Variants in NUP107 observed in about 807,000 individuals in gnomAD.
NUP107 encodes nuclear pore complex protein Nup107.
In NUP107, 101 loss-of-function variants were observed where a neutral mutation model predicts 141.0. The ratio of observed to expected loss-of-function variants is 0.72; its 90% CI spans 0.61 to 0.84. The LOEUF (loss-of-function observed/expected upper bound fraction) is 0.84. Ranked by LOEUF, NUP107 falls within the 40% of genes least tolerant of loss-of-function variation. The pLI is 0.00. For missense variants in NUP107, 941 were observed against 1,102.7 expected, an observed-to-expected ratio of 0.85 and a Z score of 2.08; for synonymous variants, 319 against 363.9, an observed-to-expected ratio of 0.88 and a Z score of 1.41.
In NUP107 at chr12:68,734,846, T is replaced by G. The variant is rs941521724; in HGVS notation, c.2388+13T>G. ...AAAGAAATATGAAGTAAGTTAAATA[T>G]GGATCTAGGATGTGCCTACTGCATC... On this transcript the variant is annotated intron_variant, in intron 25 of 27. Transcript: ENST00000229179. 6.2e-7 allele frequency: 1 copy of G among 1,610,830 alleles called. No individual in the cohort carries two copies. Among genetic ancestry groups the G allele is most frequent in the African/African-American group, 1.3e-5 (1 of 74,794 alleles).
chr12:68,741,838 C>T lies in NUP107; in HGVS notation c.2528C>T (p.Thr843Ile), dbSNP rs372012901. The change falls in exon 27 of 28, where the codon ACA (threonine) becomes ATA (isoleucine). Residue 843 changes from threonine to isoleucine, a missense_variant. By Grantham distance (89) the Thr-to-Ile change is moderately conservative (BLOSUM62 -1). Transcript: ENST00000229179. ...GATGCCAAAGAAGACCATGAAAGAA[C>T]ACATCAAATGGTCTTACTGAGAAAG... ...REDAKEDHERTHQMVLLRKLC... is the reference protein window; with the variant it reads ...REDAKEDHERIHQMVLLRKLC... 4 of 1,613,128 alleles carry T rather than the reference C, an allele frequency of 2.5e-6. No individual in the cohort carries two copies. Among genetic ancestry groups the T allele is most frequent in the African/African-American group, 1.3e-5 (1 of 74,818 alleles).
intron 10 of NUP107, among the ~76,000 whole-genome samples, chr12:68,713,489 A>C (rs1020417894): frequency 6.6e-6 from 1 of 152,174 alleles, no homozygotes; most frequent in Non-Finnish European, 1.5e-5. Flanking sequence ...ATCCTAGTAA[A>C]AAGGGCAAAA....
chr12:68,692,138 A>G, intron 5 of NUP107, 26 bp downstream of exon 5: 2 of 1,546,272 alleles, frequency 1.3e-6, no homozygotes. Flanking sequence ...GCTTTGTGAC[A>G]AGTAGCTTTT....
intron 14 of NUP107, among the ~76,000 whole-genome samples, chr12:68,720,291 A>G (rs1330755447): frequency 1.3e-5 from 2 of 152,170 alleles, no homozygotes; most frequent in Non-Finnish European, 2.9e-5. Context: ...ACTACAATAA[A>G]TATGGCACTT....
intron 3 of NUP107, 185 bp downstream of exon 3, chr12:68,689,804 G>A (rs1371170991): frequency 4.0e-6 from 2 of 506,234 alleles, no homozygotes; most frequent in Non-Finnish European, 6.9e-6. Flanking sequence ...ATAAACACAC[G>A]GTAACTATGA....
intron 26 of NUP107, among the ~76,000 whole-genome samples, chr12:68,735,719 C>A (rs1382620369): frequency 6.6e-6 from 1 of 152,110 alleles, no homozygotes; most frequent in East Asian, 1.9e-4. Context: ...AATGACCTGG[C>A]AGACTTTTTA....
rs748228775 is a variant in NUP107 at position 68,719,346 on chromosome 12, A to G, written c.1089A>G (p.Gln363=). The part of the protein sequence containing the change: ...LIRAGMTEEA[Q]RLCKRCGQAW... ...GCTCTTTCTTGTTTTCTAAGGCACAACGACTCTGTAAACGCTGTGGTCAAG... is the reference window on the plus strand; with the variant it reads ...GCTCTTTCTTGTTTTCTAAGGCACAGCGACTCTGTAAACGCTGTGGTCAAG... Residue 363 remains glutamine (Q), a synonymous_variant, in exon 13 of 28, where the codon CAA becomes CAG. Transcript: ENST00000229179. The G allele has an allele frequency of 1.9e-6, 3 of 1,613,930 alleles. No homozygotes were observed. The highest frequency in any genetic ancestry group is 2.5e-6 in the Non-Finnish European group (3 of 1,179,838).
At chr12:68,690,553 ATTGT>A (rs752109719) in intron 3 of NUP107, 74 bp from the exon 4 acceptor site, 13 of 1,584,466 alleles carry the variant, frequency 8.2e-6, no homozygotes, top group Middle Eastern at 1.7e-4. Flanking sequence ...TTTATTCTTC[ATTGT>A]TTGTTTGCTT....
At chr12:68,734,378 A>G (rs1165549315) in intron 24 of NUP107, among the ~76,000 whole-genome samples, 1 of 152,242 alleles carries the variant, frequency 6.6e-6, no homozygotes, top group Non-Finnish European at 1.5e-5. Context: ...ATAGCACCCT[A>G]TCCTTGCCCT....
chr12:68,713,744 A>G lies in NUP107; in HGVS notation c.905A>G (p.His302Arg), dbSNP rs1876978436. ...AKSVYWENTL[H>R]TLKQRQLTSY... ...ATTTCTTTCAGGGAAAATACTCTGC[A>G]TACCTTAAAACAACGGCAGCTGACT... is the stretch of plus-strand genomic sequence containing the variant. Residue 302 changes from histidine to arginine, a missense_variant, in exon 11 of 28, where the codon CAT (histidine) becomes CGT (arginine). His to Arg is a conservative substitution (Grantham distance 29). Transcript: ENST00000229179. 1 of 1,606,762 alleles carries G rather than the reference A, an allele frequency of 6.2e-7. No individual in the cohort carries two copies. Among genetic ancestry groups the G allele is most frequent in the Admixed American group, 1.7e-5 (1 of 58,250 alleles).
chr12:68,714,039 A>G, intron 11 of NUP107: 1 of 454,894 alleles, frequency 2.2e-6, no homozygotes, highest in Non-Finnish European at 3.8e-6. Flanking sequence ...ACTTGACAGC[A>G]TTAAAAACAA....
At position 68,693,114 on chromosome 12, in the gene NUP107, G is replaced by A. The variant is rs550225262; in HGVS notation, c.448+1002G>A. ...TTTTTTTTAGACGGAGTCTCACTCTGTTGCCCAGACTGGAGTGCAGTGGTG... is the reference window on the plus strand; with the variant it reads ...TTTTTTTTAGACGGAGTCTCACTCTATTGCCCAGACTGGAGTGCAGTGGTG... On this transcript the variant is annotated intron_variant, in intron 5 of 27. Coordinates refer to ENST00000229179, the MANE Select transcript of NUP107 (RefSeq NM_020401.4). 4.0e-5 allele frequency among the ~76,000 whole-genome samples: 6 copies of A among 148,934 alleles called. No homozygotes were observed. In the East Asian group the frequency reaches 1.2e-3, roughly 30 times the overall value.
At chr12:68,716,728 A>G (rs1012299188) in intron 12 of NUP107, among the ~76,000 whole-genome samples, 3 of 152,130 alleles carry the variant, frequency 2.0e-5, no homozygotes, top group African/African-American at 7.2e-5. Flanking sequence ...AGTTTACCAG[A>G]TGCCTCTTTA....
intron 15 of NUP107, 71 bp from the exon 16 acceptor site, chr12:68,721,770 G>A (rs1225502702): frequency 1.1e-5 from 16 of 1,394,354 alleles, no homozygotes; most frequent in Admixed American, 6.1e-5. Flanking sequence ...CTGTATCATT[G>A]GATGTAATTG....
At chr12:68,707,121 G>A (rs920492896) in intron 8 of NUP107, 2 of 561,706 alleles carry the variant, frequency 3.6e-6, no homozygotes, top group African/African-American at 3.8e-5. Flanking sequence ...CTGCCCCAGA[G>A]AGGCTGCTGT....
At chr12:68,696,484 G>A (rs1200754606) in intron 5 of NUP107, among the ~76,000 whole-genome samples, 1 of 152,136 alleles carries the variant, frequency 6.6e-6, no homozygotes, top group Admixed American at 6.5e-5. Context: ...AGGCTGAGGC[G>A]AGCAGATCAC....
chr12:68,705,666 G>T, intron 8 of NUP107: 1 of 610,804 alleles, frequency 1.6e-6, no homozygotes, highest in South Asian at 1.5e-5. Context: ...AGTCCTTCAA[G>T]GTGTCCAACT....
At position 68,701,612 on chromosome 12, in the gene NUP107, G is replaced by A. The variant is rs1211100649; in HGVS notation, c.680+759G>A. ...CAGGAGAATCGCTTGAACCTCGGAG[G>A]CAGAGGTTGCGAGCCGAGATTGTGC... On this transcript the variant is annotated intron_variant, in intron 7 of 27. Coordinates refer to ENST00000229179, the MANE Select transcript of NUP107 (RefSeq NM_020401.4). 2.0e-5 allele frequency among the ~76,000 whole-genome samples: 3 copies of A among 151,756 alleles called. No homozygotes were observed. In the East Asian group the frequency reaches 5.8e-4, roughly 29 times the overall value.
At chr12:68,696,716 AAAAT>A in intron 5 of NUP107, 99 bp from the exon 6 acceptor site, 2 of 680,616 alleles carry the variant, frequency 2.9e-6, no homozygotes, top group East Asian at 2.9e-5. Flanking sequence ...TCCATCTCAA[AAAAT>A]AAATAAACAA....
Sources: allele counts gnomAD v4.1 joint callset (sites outside exome capture counted in the v4.1 genomes callset), GRCh38; gene constraint gnomAD v4.1.1; transcripts MANE v1.5; gene names NCBI Gene and HGNC (gene_info 2026-07-23, HGNC 2026-07-21).